MEGF11: variants seen among roughly 807,000 people sequenced by gnomAD.
MEGF11 encodes multiple epidermal growth factor-like domains protein 11.
MEGF11 carries 126 observed loss-of-function variants against 146.6 expected under a neutral mutation model. That is an observed-to-expected ratio of 0.86 (90% CI 0.74 to 1.00). The LOEUF is 1.00. Among genes scored for constraint, MEGF11 ranks in the 50% least tolerant of loss-of-function variants. The probability of loss-of-function intolerance (pLI) is 0.00; values close to 1 mark genes in which losing one functional copy is unlikely to be tolerated. For missense variants in MEGF11, 1,509 were observed against 1,521.2 expected (o/e 0.99, Z 0.13); for synonymous variants, 532 against 583.4 (o/e 0.91, Z 1.27).
intron 5 of MEGF11, among the ~76,000 whole-genome samples, chr15:66,091,408 A>T (rs1017827871): frequency 2.6e-5 from 4 of 152,214 alleles, no homozygotes; most frequent in Non-Finnish European, 5.9e-5. Flanking sequence ...TTCTCATGAC[A>T]GATCAATTTC....
At chr15:65,910,802 A>G (rs573483974) in intron 21 of MEGF11, among the ~76,000 whole-genome samples, 14 of 152,298 alleles carry the variant, frequency 9.2e-5, no homozygotes, top group African/African-American at 3.4e-4. Flanking sequence ...GCCGTGGACT[A>G]TGAAAGCCAT....
At chr15:66,220,398 A>G (rs1448150386) in intron 1 of MEGF11, among the ~76,000 whole-genome samples, 1 of 152,178 alleles carries the variant, frequency 6.6e-6, no homozygotes, top group East Asian at 1.9e-4. Context: ...AGATTACTGT[A>G]TGATCCCATT....
In MEGF11 at chr15:66,123,988, A is replaced by C. The variant is rs757137653; in HGVS notation, c.111T>G (p.Thr37=). The C allele has an allele frequency of 1.9e-6, 3 of 1,613,876 alleles. No homozygotes were observed. The South Asian group carries it at 3.3e-5, about 18-fold the overall frequency. The change falls in exon 3 of 26, where the codon ACT becomes ACG. Residue 37 remains threonine, a synonymous_variant. Transcript: ENST00000395614. The part of the protein sequence containing the change: ...VCSHWESYAV[T]VQESYAHPFD... ...AGGGGTGTGCATACGATTCCTGGAC[A>C]GTCACAGCATAGCTGAGAACCAGAT...
intron 2 of MEGF11, among the ~76,000 whole-genome samples, chr15:66,124,260 A>C (rs2088215767): frequency 6.6e-6 from 1 of 152,124 alleles, no homozygotes; most frequent in South Asian, 2.1e-4. Flanking sequence ...TCATTTGTTC[A>C]TTTAACAGAG....
chr15:65,952,186 G>A (rs1362288575), intron 10 of MEGF11, among the ~76,000 whole-genome samples: 2 of 152,146 alleles, frequency 1.3e-5, no homozygotes, highest in Non-Finnish European at 2.9e-5. Flanking sequence ...CATGGATAAT[G>A]GGGACTACTG....
At chr15:66,228,404 G>T (rs1322004903) in intron 1 of MEGF11, among the ~76,000 whole-genome samples, 2 of 152,052 alleles carry the variant, frequency 1.3e-5, no homozygotes, top group African/African-American at 4.8e-5. Context: ...TAGAAGGAAG[G>T]CTTCTACTTG....
At chr15:66,021,438 CT>C (rs1418563139) in intron 5 of MEGF11, among the ~76,000 whole-genome samples, 4 of 152,174 alleles carry the variant, frequency 2.6e-5, no homozygotes, top group Non-Finnish European at 5.9e-5. Flanking sequence ...CCTACAATCT[CT>C]TTGGGAATAG....
intron 1 of MEGF11, among the ~76,000 whole-genome samples, chr15:66,195,867 G>T (rs2090995804): frequency 2.0e-5 from 3 of 152,222 alleles, no homozygotes; most frequent in South Asian, 2.1e-4. Flanking sequence ...GCTAGTCAAA[G>T]CCTGTGTGGA....
At chr15:66,023,113 C>A (rs948967497) in intron 5 of MEGF11, among the ~76,000 whole-genome samples, 1 of 128,300 alleles carries the variant, frequency 7.8e-6, no homozygotes. Context: ...TGCATTCCAG[C>A]CTGGGCAACA....
chr15:66,016,857 A>T (rs1387164519), intron 5 of MEGF11, among the ~76,000 whole-genome samples: 3 of 152,322 alleles, frequency 2.0e-5, no homozygotes, highest in East Asian at 1.9e-4. Flanking sequence ...GGGGAAAGGG[A>T]TGCCTATAGA....
rs536185092 is a variant in MEGF11, at chr15:66,093,779, C to A, written c.394+623G>T. Reference sequence around the variant, plus strand: ...TTGGTGGCCAGCCCCACAGTAGAGACAATGCACCATGCCACTGTGGGTCAC... The same window carrying A: ...TTGGTGGCCAGCCCCACAGTAGAGAAAATGCACCATGCCACTGTGGGTCAC... On this transcript the variant is annotated intron_variant, in intron 5 of 25. Coordinates refer to ENST00000395614, the MANE Select transcript of MEGF11 (RefSeq NM_001385028.1). 3.9e-5 allele frequency among the ~76,000 whole-genome samples: 6 copies of A among 152,266 alleles called. No individual in the cohort carries two copies. The South Asian group carries it at 1.2e-3, about 32-fold the overall frequency.
At chr15:66,078,081 A>C (rs991394327) in intron 5 of MEGF11, among the ~76,000 whole-genome samples, 1 of 152,144 alleles carries the variant, frequency 6.6e-6, no homozygotes, top group Non-Finnish European at 1.5e-5. Flanking sequence ...CAGAGTTTCA[A>C]GGGTGGTCTC....
chr15:66,136,486 G>A (rs17254697), intron 1 of MEGF11, among the ~76,000 whole-genome samples: 9,662 of 152,216 alleles, frequency 0.063, 419 homozygotes, highest in South Asian at 0.2. Context: ...CATCAGACAA[G>A]GGTAGCCTCT....
chr15:66,005,801 G>C (rs2082502933), intron 5 of MEGF11, among the ~76,000 whole-genome samples: 1 of 152,190 alleles, frequency 6.6e-6, no homozygotes, highest in African/African-American at 2.4e-5. Flanking sequence ...GTGCTAGCAG[G>C]CTGAGTGTCA....
chr15:66,157,274 C>T (rs1315736782), intron 1 of MEGF11, among the ~76,000 whole-genome samples: 1 of 152,252 alleles, frequency 6.6e-6, no homozygotes, highest in East Asian at 1.9e-4. Context: ...GCCATTCCAC[C>T]CATGCTCTGC....
intron 5 of MEGF11, among the ~76,000 whole-genome samples, chr15:66,060,934 G>C (rs1482069807): frequency 6.6e-6 from 1 of 152,240 alleles, no homozygotes; most frequent in East Asian, 1.9e-4. Flanking sequence ...AAACCCACCT[G>C]CTGTGCCCAG....
intron 4 of MEGF11, among the ~76,000 whole-genome samples, chr15:66,108,090 C>T (rs1009419478): frequency 3.3e-5 from 5 of 152,174 alleles, no homozygotes; most frequent in African/African-American, 9.7e-5. Flanking sequence ...GCAGCCTGCA[C>T]GAAGCCCCAG....
intron 24 of MEGF11, among the ~76,000 whole-genome samples, chr15:65,900,584 A>G (rs2078470738): frequency 6.6e-6 from 1 of 152,204 alleles, no homozygotes; most frequent in African/African-American, 2.4e-5. Context: ...TGTTCACACA[A>G]CACTCTGTGG....
intron 10 of MEGF11, among the ~76,000 whole-genome samples, chr15:65,931,312 G>A (rs1336778256): frequency 6.6e-6 from 1 of 152,154 alleles, no homozygotes; most frequent in Non-Finnish European, 1.5e-5. Flanking sequence ...TCTAGAATCT[G>A]GGATCAACAG....
Sources: allele counts gnomAD v4.1 joint callset (sites outside exome capture counted in the v4.1 genomes callset), GRCh38; gene constraint gnomAD v4.1.1; transcripts MANE v1.5; gene names NCBI Gene and HGNC (gene_info 2026-07-23, HGNC 2026-07-21).